The following SPATA17 variants were observed in gnomAD, a reference collection of about 807,000 sequenced individuals.
SPATA17 encodes the protein spermatogenesis-associated protein 17.
In SPATA17, 53 loss-of-function variants were observed where a neutral mutation model predicts 62.2. That is an observed-to-expected ratio of 0.85 (90% CI 0.68 to 1.07). The LOEUF is 1.07. Among genes scored for constraint, SPATA17 ranks in the 50% least tolerant of loss-of-function variants. The pLI, the probability that SPATA17 is intolerant of heterozygous loss-of-function variation, is 0.00. For missense variants in SPATA17, 466 were observed against 425.5 expected (o/e 1.10, Z -0.84); for synonymous variants, 146 against 146.8 (o/e 0.99, Z 0.04).
At chr1:217,742,674 G>A (rs940144148) in intron 6 of SPATA17, among the ~76,000 whole-genome samples, 2 of 152,068 alleles carry the variant, frequency 1.3e-5, no homozygotes, top group African/African-American at 2.4e-5. Flanking sequence ...CTGGTTACTA[G>A]GAAAGAATAC....
chr1:217,807,718 AAAG>A (rs1265649051), intron 9 of SPATA17, among the ~76,000 whole-genome samples: 2 of 152,048 alleles, frequency 1.3e-5, no homozygotes, highest in African/African-American at 4.8e-5. Flanking sequence ...ATAAAGGAAG[AAAG>A]AAAAAAATAT....
chr1:217,786,871 T>C (rs1673885563), intron 8 of SPATA17, among the ~76,000 whole-genome samples: 1 of 151,214 alleles, frequency 6.6e-6, no homozygotes, highest in Admixed American at 6.6e-5. Context: ...ACCACCTCTA[T>C]GCCAATGATT....
At chr1:217,788,127 A>T (rs989691896) in intron 8 of SPATA17, among the ~76,000 whole-genome samples, 5 of 152,076 alleles carry the variant, frequency 3.3e-5, no homozygotes, top group African/African-American at 1.2e-4. Flanking sequence ...AAATCAGATG[A>T]TATAGGCTAT....
At chr1:217,827,681 A>C (rs1675028538) in intron 9 of SPATA17, among the ~76,000 whole-genome samples, 2 of 152,180 alleles carry the variant, frequency 1.3e-5, no homozygotes, top group South Asian at 2.1e-4. Context: ...GTATATATAC[A>C]CCATGGAATA....
chr1:217,737,246 T>G (rs1314394250), intron 5 of SPATA17, among the ~76,000 whole-genome samples: 1 of 152,204 alleles, frequency 6.6e-6, no homozygotes, highest in East Asian at 1.9e-4. Flanking sequence ...CACAGGACTA[T>G]GAAAGTATTA....
At chr1:217,865,502 T>A (rs916343965) in intron 10 of SPATA17, among the ~76,000 whole-genome samples, 3 of 152,232 alleles carry the variant, frequency 2.0e-5, no homozygotes, top group African/African-American at 7.2e-5. Context: ...ACTGTCTGAC[T>A]AGGATAACAT....
chr1:217,804,476 C>A (rs959007180), intron 9 of SPATA17, among the ~76,000 whole-genome samples: 1 of 152,116 alleles, frequency 6.6e-6, no homozygotes, highest in African/African-American at 2.4e-5. Context: ...TGACATTGGT[C>A]TAAGCAATTA....
intron 4 of SPATA17, among the ~76,000 whole-genome samples, 179 bp from the exon 5 acceptor site, chr1:217,683,079 C>T (rs1380903890): frequency 6.6e-6 from 1 of 151,412 alleles, no homozygotes; most frequent in Non-Finnish European, 1.5e-5. Context: ...TATAATATTT[C>T]ATAAAAAATT....
intron 10 of SPATA17, among the ~76,000 whole-genome samples, chr1:217,863,119 C>CTTTT (rs35673625): frequency 1.1e-3 from 121 of 111,770 alleles, no homozygotes; most frequent in East Asian, 2.2e-3. Flanking sequence ...AATACTCTTT[C>CTTTT]TTTTTTTTTT....
At position 217,830,471 on chromosome 1, in the gene SPATA17, C is replaced by A. The variant is rs149304734; in HGVS notation, c.1005+28621C>A. Among the ~76,000 whole-genome samples, 1,071 of 152,186 alleles carry A rather than the reference C, an allele frequency of 7.0e-3. 15 individuals carry two copies. Among genetic ancestry groups the A allele is most frequent in the African/African-American group, 0.024 (1,016 of 41,530 alleles). Reference sequence around the variant, plus strand: ...AGGGCTCCATTCATCTGTGTCAAATCCTGGGCTTCCTGCTTAAAAATTCCC... The same window carrying A: ...AGGGCTCCATTCATCTGTGTCAAATACTGGGCTTCCTGCTTAAAAATTCCC... On this transcript the variant is annotated intron_variant, in intron 9 of 10. Transcript: ENST00000366933.
At chr1:217,784,691 G>A (rs1285282542) in intron 8 of SPATA17, among the ~76,000 whole-genome samples, 1 of 152,112 alleles carries the variant, frequency 6.6e-6, no homozygotes, top group Non-Finnish European at 1.5e-5. Flanking sequence ...AACATGCTTT[G>A]TATTACTACA....
chr1:217,651,081 A>ATTT lies in SPATA17; in HGVS notation c.159-10_159-8dup. 6.4e-7 allele frequency: 1 copy of ATTT among 1,566,212 alleles called. No individual in the cohort carries two copies. The highest frequency in any genetic ancestry group is 8.7e-7 in the Non-Finnish European group (1 of 1,144,838). On this transcript the variant is annotated splice_polypyrimidine_tract_variant and intron_variant, in intron 2 of 10. Transcript: ENST00000366933. ...TCAATGAAAGGATACTAATAAGCAT[A>ATTT]TTTTTTTTATCCTAGGCATTTAAAC...
At chr1:217,686,629 T>C (rs1671221473) in intron 5 of SPATA17, among the ~76,000 whole-genome samples, 3 of 152,178 alleles carry the variant, frequency 2.0e-5, no homozygotes, top group Non-Finnish European at 2.9e-5. Context: ...ACATGCCCCT[T>C]GTAGAAAAAC....
At chr1:217,751,030 A>G (rs1224509021) in intron 6 of SPATA17, among the ~76,000 whole-genome samples, 4 of 152,160 alleles carry the variant, frequency 2.6e-5, no homozygotes, top group Non-Finnish European at 5.9e-5. Flanking sequence ...TACCTTTATG[A>G]CTGTCCAGCC....
intron 10 of SPATA17, among the ~76,000 whole-genome samples, chr1:217,866,243 A>G (rs938674637): frequency 2.6e-5 from 4 of 152,186 alleles, no homozygotes; most frequent in African/African-American, 4.8e-5. Context: ...AAGTTTTGGC[A>G]TAGTGAATTG....
At chr1:217,638,813 A>G (rs1229651054) in intron 1 of SPATA17, among the ~76,000 whole-genome samples, 1 of 152,194 alleles carries the variant, frequency 6.6e-6, no homozygotes, top group Non-Finnish European at 1.5e-5. Context: ...TTTAAAAATA[A>G]TAATTTTCCA....
chr1:217,637,638 C>G (rs1028291632), intron 1 of SPATA17, among the ~76,000 whole-genome samples: 1 of 152,154 alleles, frequency 6.6e-6, no homozygotes, highest in Non-Finnish European at 1.5e-5. Flanking sequence ...TATCCTTAGT[C>G]TAATAATTTT....
intron 9 of SPATA17, among the ~76,000 whole-genome samples, chr1:217,854,093 A>G (rs1675723192): frequency 6.6e-6 from 1 of 152,156 alleles, no homozygotes; most frequent in Non-Finnish European, 1.5e-5. Flanking sequence ...AGGTACAGAA[A>G]CAGCTGGATT....
intron 9 of SPATA17, among the ~76,000 whole-genome samples, chr1:217,808,617 G>A (rs1298956857): frequency 1.3e-5 from 2 of 152,126 alleles, no homozygotes; most frequent in East Asian, 3.9e-4. Flanking sequence ...ACTTTGGGAG[G>A]CCGAGGTGGG....
Sources: gnomAD v4.1 joint callset for allele counts (sites outside exome capture counted in the v4.1 genomes callset) on GRCh38, gnomAD v4.1.1 for gene constraint, MANE v1.5 for transcripts, NCBI Gene and HGNC (gene_info 2026-07-23, HGNC 2026-07-21) for gene names.